STK38: variants seen among roughly 807,000 people sequenced by gnomAD.
STK38 encodes serine/threonine kinase 38.
Under a neutral mutation model 59.0 loss-of-function variants are expected in STK38, and 26 were observed. That is an observed-to-expected ratio of 0.44 (90% confidence interval 0.32 to 0.61). The LOEUF is 0.61. STK38 is among the 20% of genes least tolerant of loss of function. The pLI is 0.04. For missense variants in STK38, 433 were observed against 566.0 expected, an observed-to-expected ratio of 0.76 and a Z score of 2.38; for synonymous variants, 175 against 176.6, an observed-to-expected ratio of 0.99 and a Z score of 0.07.
rs780450273 is a variant in STK38, at chr6:36,497,772, G to A, written c.1172+8C>T. ...GAAATAATTCTGAAAGTGTTTATATGGATATACCTGATATGTTCCCAGTCA... is the reference window on the plus strand; with the variant it reads ...GAAATAATTCTGAAAGTGTTTATATAGATATACCTGATATGTTCCCAGTCA... On this transcript the variant is annotated splice_region_variant and intron_variant, in intron 12 of 13. Coordinates refer to ENST00000229812, the MANE Select transcript of STK38 (RefSeq NM_007271.4). 3.1e-6 allele frequency: 5 copies of A among 1,596,650 alleles called. No individual in the cohort carries two copies. In the East Asian group the frequency reaches 8.9e-5, roughly 29 times the overall value.
At chr6:36,522,890 A>AG (rs1554168328) in intron 4 of STK38, among the ~76,000 whole-genome samples, 1 of 150,724 alleles carries the variant, frequency 6.6e-6, no homozygotes, top group Non-Finnish European at 1.5e-5. Flanking sequence ...AAGAAGAAGA[A>AG]AATTCAAAAT....
At chr6:36,496,588 C>G in intron 13 of STK38, 123 bp downstream of exon 13, 1 of 753,268 alleles carries the variant, frequency 1.3e-6, no homozygotes, top group South Asian at 1.6e-5. Flanking sequence ...AAAGTACTTA[C>G]AAAGAACCTG....
At chr6:36,500,564 A>G (rs529872367) in intron 9 of STK38, among the ~76,000 whole-genome samples, 1 of 152,064 alleles carries the variant, frequency 6.6e-6, no homozygotes, top group South Asian at 2.1e-4. Context: ...GATGGAGACC[A>G]TCCTGGCCAA....
chr6:36,497,387 C>T (rs984910589), intron 12 of STK38, among the ~76,000 whole-genome samples: 1 of 152,232 alleles, frequency 6.6e-6, no homozygotes, highest in Non-Finnish European at 1.5e-5. Context: ...TCTCCACTTC[C>T]ACCCCTCCAA....
intron 5 of STK38, among the ~76,000 whole-genome samples, chr6:36,518,312 C>T (rs1225408997): frequency 6.6e-6 from 1 of 152,164 alleles, no homozygotes; most frequent in African/African-American, 2.4e-5. Context: ...TAGTTCACTG[C>T]TATGTGCTCA....
intron 2 of STK38, among the ~76,000 whole-genome samples, chr6:36,538,630 G>A (rs58860412): frequency 0.027 from 4,147 of 151,934 alleles, 196 homozygotes; most frequent in African/African-American, 0.092. Context: ...TGGATTGGCC[G>A]GGCACAGTGG....
chr6:36,517,120 T>C (rs1040652259), intron 6 of STK38, among the ~76,000 whole-genome samples: 1 of 149,374 alleles, frequency 6.7e-6, no homozygotes, highest in Non-Finnish European at 1.5e-5. Context: ...CTCTTTTTTT[T>C]TCCCACCAGA....
intron 2 of STK38, among the ~76,000 whole-genome samples, chr6:36,539,061 T>C (rs1777868562): frequency 6.6e-6 from 1 of 151,898 alleles, no homozygotes; most frequent in Non-Finnish European, 1.5e-5. Flanking sequence ...CTGAATACTT[T>C]CATAGTAAAA....
chr6:36,541,259 C>T (rs1777930550), intron 1 of STK38, among the ~76,000 whole-genome samples: 1 of 152,068 alleles, frequency 6.6e-6, no homozygotes, highest in South Asian at 2.1e-4. Context: ...AAAAAGAGAA[C>T]AAGATCACAA....
At chr6:36,524,298 T>C in intron 4 of STK38, 43 bp downstream of exon 4, 1 of 1,585,028 alleles carries the variant, frequency 6.3e-7, no homozygotes, top group Non-Finnish European at 8.5e-7. Context: ...AGCTTTGAAG[T>C]TTTGCAATAT....
intron 2 of STK38, among the ~76,000 whole-genome samples, chr6:36,539,458 A>G (rs1777879239): frequency 6.6e-6 from 1 of 152,198 alleles, no homozygotes; most frequent in Non-Finnish European, 1.5e-5. Flanking sequence ...AGTAATAACA[A>G]TAGCTGATAC....
chr6:36,514,706 G>T (rs964989340), intron 7 of STK38, among the ~76,000 whole-genome samples: 15 of 151,718 alleles, frequency 9.9e-5, no homozygotes, highest in Admixed American at 7.9e-4. Context: ...CTGGGCAGGG[G>T]CGTGGTGGTG....
chr6:36,526,227 T>G (rs980111778), intron 2 of STK38, among the ~76,000 whole-genome samples: 8 of 151,000 alleles, frequency 5.3e-5, no homozygotes, highest in Non-Finnish European at 7.4e-5. Flanking sequence ...GGTGTTTTTT[T>G]TTTTTTTTTT....
intron 9 of STK38, among the ~76,000 whole-genome samples, chr6:36,501,531 A>G (rs1280450788): frequency 6.6e-6 from 1 of 151,194 alleles, no homozygotes; most frequent in Non-Finnish European, 1.5e-5. Context: ...ATAATTTGCC[A>G]TATTTGTCTC....
At position 36,515,328 on chromosome 6, in the gene STK38, C is replaced by A; in HGVS notation, c.669+10G>T. The A allele has an allele frequency of 6.2e-7, 1 of 1,613,314 alleles. No homozygotes were observed. The highest frequency in any genetic ancestry group is 8.5e-7 in the Non-Finnish European group (1 of 1,179,676). On this transcript the variant is annotated intron_variant, in intron 7 of 13. Transcript: ENST00000229812. ...AACGTGCATAGTTCATGCCAATGCC[C>A]CCCCAATACCTTGCTGTCCAAAAGA...
Position 36,528,345 on chromosome 6 carries a change from T to C in STK38, c.132-2703A>G, listed in dbSNP as rs58800845. 2.9e-3 allele frequency among the ~76,000 whole-genome samples: 443 copies of C among 152,220 alleles called. 19 individuals carry two copies. In the East Asian group the frequency reaches 0.061, roughly 21 times the overall value. On this transcript the variant is annotated intron_variant, in intron 2 of 13. Transcript: ENST00000229812. The stretch of plus-strand genomic sequence containing the variant: ...CAGGGAAAGCAACTGAGAAAGAGGC[T>C]AGTTGAGAGTTATTGTAATGATTCA...
At chr6:36,533,153 T>G (rs868599259) in intron 2 of STK38, among the ~76,000 whole-genome samples, 19 of 152,180 alleles carry the variant, frequency 1.2e-4, no homozygotes, top group Middle Eastern at 3.4e-3. Flanking sequence ...AGTGCATTGT[T>G]GTTTTTCTTA....
chr6:36,506,760 T>C (rs1309700136), intron 8 of STK38, 116 bp from the exon 9 acceptor site: 3 of 847,526 alleles, frequency 3.5e-6, no homozygotes, highest in African/African-American at 1.7e-5. Context: ...CTTCTACTCA[T>C]ACATCAAAAG....
intron 4 of STK38, among the ~76,000 whole-genome samples, chr6:36,524,102 C>T (rs1249837429): frequency 6.6e-6 from 1 of 152,128 alleles, no homozygotes; most frequent in Non-Finnish European, 1.5e-5. Context: ...TCAACTCTCC[C>T]CCTAAGTCAA....
Sources: gnomAD v4.1 joint callset for allele counts (sites outside exome capture counted in the v4.1 genomes callset) on GRCh38, gnomAD v4.1.1 for gene constraint, MANE v1.5 for transcripts, NCBI Gene and HGNC (gene_info 2026-07-23, HGNC 2026-07-21) for gene names.